The following CELSR1 variants were observed in gnomAD, a reference collection of about 807,000 sequenced individuals.
CELSR1 encodes cadherin EGF LAG seven-pass G-type receptor 1.
Under a neutral mutation model 249.1 loss-of-function variants are expected in CELSR1, and 110 were observed. That is an observed-to-expected ratio of 0.44 (90% CI 0.38 to 0.52). The LOEUF is 0.52. Among genes scored for constraint, CELSR1 ranks in the 20% least tolerant of loss-of-function variants. CELSR1 has a pLI of 0.00. For missense variants in CELSR1, 4,109 were observed against 4,296.4 expected (o/e 0.96, Z 1.22); for synonymous variants, 2,113 against 1,900.0 (o/e 1.11, Z -2.92).
rs749360235 is a variant in CELSR1, at chr22:46,391,727, G to A, written c.6054C>T (p.Ala2018=). 2.7e-5 allele frequency: 43 copies of A among 1,612,060 alleles called. No homozygotes were observed. The highest frequency in any genetic ancestry group is 4.4e-5 in the South Asian group (4 of 90,852). Residue 2018 remains alanine (A), a synonymous_variant, in exon 15 of 35, where the codon GCC becomes GCT. Transcript: ENST00000674500. This position sits in a 1 kb window ranked among gnomAD's most constrained non-coding sequence, Gnocchi z 4.3. ...HGSHSRTCDM[A]TGQCACKPGV... ...CGGGCTTGCAGGCACACTGCCCGGT[G>A]GCCATGTCGCAAGTGCGGCTGTGGG...
chr22:46,528,928 CAAAATAAAATAAAAT>C (rs139450136), intron 1 of CELSR1, among the ~76,000 whole-genome samples: 59 of 138,060 alleles, frequency 4.3e-4, no homozygotes, highest in East Asian at 8.7e-4. Context: ...GACTCTGTCT[CAAAATAAAATAAAAT>C]AAAATAAAAT....
In CELSR1 at chr22:46,401,767, A is replaced by T. The variant is rs1357707653; in HGVS notation, c.5227-1865T>A. On this transcript the variant is annotated intron_variant, in intron 9 of 34. Transcript: ENST00000674500. The surrounding 1 kb of genome is among the most constrained non-coding windows in gnomAD (Gnocchi z 4.7). Reference sequence around the variant, plus strand: ...GGGTTTACACTAACGATAAAAACGAAAAAGAGCCACCTTTGCAGGACTGGA... The same window carrying T: ...GGGTTTACACTAACGATAAAAACGATAAAGAGCCACCTTTGCAGGACTGGA... Among the ~76,000 whole-genome samples, 1 of 152,180 alleles carries T rather than the reference A, an allele frequency of 6.6e-6. No homozygotes were observed. The highest frequency in any genetic ancestry group is 2.4e-5 in the African/African-American group (1 of 41,438).
At chr22:46,497,139 A>G (rs2080421573) in intron 1 of CELSR1, among the ~76,000 whole-genome samples, 1 of 152,212 alleles carries the variant, frequency 6.6e-6, no homozygotes, top group Non-Finnish European at 1.5e-5. Context: ...CATTATCATC[A>G]TATGACACCA....
chr22:46,449,598 G>A (rs143554001), intron 2 of CELSR1, among the ~76,000 whole-genome samples: 48 of 152,362 alleles, frequency 3.2e-4, no homozygotes, highest in Middle Eastern at 3.4e-3. Context: ...TCTTTAGGCA[G>A]TGGGGTTATA....
At position 46,429,592 on chromosome 22, in the gene CELSR1, G is replaced by C. The variant is rs1332492937; in HGVS notation, c.4611+3801C>G. Among the ~76,000 whole-genome samples the C allele has an allele frequency of 6.6e-6, 1 of 152,234 alleles. No individual in the cohort carries two copies. Among genetic ancestry groups the C allele is most frequent in the Admixed American group, 6.5e-5 (1 of 15,284 alleles). On this transcript the variant is annotated intron_variant, in intron 5 of 34. Coordinates refer to ENST00000674500, the MANE Select transcript of CELSR1 (RefSeq NM_001378328.1). This position sits in a 1 kb window ranked among gnomAD's most constrained non-coding sequence, Gnocchi z 4.1. ...ACCAATAAACCTTCTCGTCTAAAAT[G>C]TCATCAGGCAGAAAGGAAAAATAAA... is the stretch of plus-strand genomic sequence containing the variant.
chr22:46,450,058 G>A (rs1191373027), intron 2 of CELSR1, among the ~76,000 whole-genome samples: 4 of 152,196 alleles, frequency 2.6e-5, no homozygotes, highest in Non-Finnish European at 5.9e-5. Flanking sequence ...GTTCTGCAAC[G>A]TGACAGTCCC....
chr22:46,439,301 G>A lies in CELSR1; in HGVS notation c.4294C>T (p.Pro1432Ser). The A allele has an allele frequency of 6.2e-7, 1 of 1,614,086 alleles. No homozygotes were observed. The highest frequency in any genetic ancestry group is 1.1e-5 in the South Asian group (1 of 91,078). The change falls in exon 3 of 35, where the codon CCT (proline) becomes TCT (serine). Residue 1432 changes from proline to serine, a missense_variant. Coordinates refer to ENST00000674500, the MANE Select transcript of CELSR1 (RefSeq NM_001378328.1). The stretch of plus-strand genomic sequence containing the variant: ...CAGTAGGGCCTCTCATACTCGCCAG[G>A]AGGACACACGCAGTGGAAGCCGCCG... ...LIGGFHCVCP[P>S]GEYERPYCEV...
chr22:46,511,235 G>C (rs111628677), intron 1 of CELSR1, among the ~76,000 whole-genome samples: 1,772 of 118,124 alleles, frequency 0.015, 29 homozygotes, highest in African/African-American at 0.043. Context: ...AGGTGGGACA[G>C]AAATATGATT....
Position 46,490,517 on chromosome 22 carries a change from C to T in CELSR1, c.3545-26172G>A, listed in dbSNP as rs1015079959. On this transcript the variant is annotated intron_variant, in intron 1 of 34. Coordinates refer to ENST00000674500, the MANE Select transcript of CELSR1 (RefSeq NM_001378328.1). The surrounding 1 kb of genome is among the most constrained non-coding windows in gnomAD (Gnocchi z 5.2). ...GGTCAGGCTGGTCTCGAACTCCTGA[C>T]CGCAGGCGAGCCGCCCCCCTCCGCC... is the stretch of plus-strand genomic sequence containing the variant. Among the ~76,000 whole-genome samples the T allele has an allele frequency of 6.6e-6, 1 of 151,998 alleles. No homozygotes were observed. Among genetic ancestry groups the T allele is most frequent in the African/African-American group, 2.4e-5 (1 of 41,358 alleles).
chr22:46,530,600 C>T (rs1187331232), intron 1 of CELSR1: 2 of 152,184 alleles, frequency 1.3e-5, no homozygotes, highest in Non-Finnish European at 2.9e-5. Context: ...AAATGAACAT[C>T]TTGTATCGCT....
intron 2 of CELSR1, among the ~76,000 whole-genome samples, chr22:46,457,846 T>C (rs2079975119): frequency 6.6e-6 from 1 of 152,076 alleles, no homozygotes; most frequent in Non-Finnish European, 1.5e-5. Flanking sequence ...GAGGGTCCGG[T>C]TCCTCCTAGC....
chr22:46,531,490 G>C (rs1470146139), intron 1 of CELSR1, among the ~76,000 whole-genome samples: 7 of 152,212 alleles, frequency 4.6e-5, no homozygotes, highest in Non-Finnish European at 8.8e-5. Context: ...ACAGGCATGA[G>C]CCACTGCGCC....
At chr22:46,372,774 G>T in intron 25 of CELSR1, 109 bp downstream of exon 25, 2 of 1,377,244 alleles carry the variant, frequency 1.5e-6, no homozygotes, top group South Asian at 1.4e-5. Context: ...CTGGGGGCTG[G>T]ACAAGCATTG....
At chr22:46,384,498 C>T (rs1323462619) in intron 20 of CELSR1, 45 bp downstream of exon 20, 12 of 1,544,378 alleles carry the variant, frequency 7.8e-6, no homozygotes, top group East Asian at 2.4e-5. Context: ...CCTCCCTGAA[C>T]GCTGGGGACT....
At chr22:46,480,555 C>T (rs1278883324) in intron 1 of CELSR1, among the ~76,000 whole-genome samples, 1 of 152,132 alleles carries the variant, frequency 6.6e-6, no homozygotes, top group Non-Finnish European at 1.5e-5. Context: ...AGTGAGTGAC[C>T]TCATGGATTT....
At chr22:46,467,258 T>G (rs760616925) in intron 1 of CELSR1, among the ~76,000 whole-genome samples, 7 of 152,180 alleles carry the variant, frequency 4.6e-5, no homozygotes, top group Non-Finnish European at 8.8e-5. Context: ...AAATAAATTG[T>G]AAACATTCAG....
chr22:46,533,700 C>A lies in CELSR1; in HGVS notation c.3471G>T (p.Thr1157=), dbSNP rs186474366. ...GGTCGCGGCTGAGCTGCAGTTCGCC[C>A]GTGGCGGGGTCCAGCAGCAACAGGC... ...ELRLLLLDPA[T]GELQLSRDLD... is the part of the protein sequence containing the mutation. The change falls in exon 1 of 35, where the codon ACG becomes ACT. Residue 1157 remains threonine (T), a synonymous_variant. Transcript: ENST00000674500. The A allele has an allele frequency of 1.9e-6, 3 of 1,611,766 alleles. No individual in the cohort carries two copies. In the African/African-American group the frequency reaches 4.0e-5, roughly 21 times the overall value.
intron 14 of CELSR1, among the ~76,000 whole-genome samples, chr22:46,392,071 C>G (rs955765063): frequency 3.9e-5 from 6 of 152,256 alleles, no homozygotes; most frequent in Non-Finnish European, 8.8e-5. Flanking sequence ...CAAGTCTCAA[C>G]AGTGGGCACC....
At chr22:46,463,665 T>G (rs2080059042) in intron 2 of CELSR1, 42 bp downstream of exon 2, 1 of 1,475,872 alleles carries the variant, frequency 6.8e-7, no homozygotes, top group African/African-American at 1.4e-5. Flanking sequence ...CCATGTGACC[T>G]GGGGACATGT....
Sources: allele counts gnomAD v4.1 joint callset (sites outside exome capture counted in the v4.1 genomes callset), GRCh38; gene constraint gnomAD v4.1.1; non-coding constraint Gnocchi (gnomAD v3.1); transcripts MANE v1.5; gene names NCBI Gene and HGNC (gene_info 2026-07-23, HGNC 2026-07-21).